Variants in CSGALNACT1 observed in about 807,000 individuals in gnomAD.
CSGALNACT1 encodes the protein beta4GalNAcT-1.
In CSGALNACT1, 52 loss-of-function variants were observed where a neutral mutation model predicts 51.0. The observed-to-expected ratio is 1.02, with a 90% CI of 0.82 to 1.29. The LOEUF is 1.29. Among genes scored for constraint, CSGALNACT1 ranks in the 50% most tolerant of loss-of-function variants. CSGALNACT1 has a pLI of 0.00. For missense variants in CSGALNACT1, 935 were observed against 679.2 expected (o/e 1.38, Z -4.19); for synonymous variants, 341 against 254.4 (o/e 1.34, Z -3.24).
intron 1 of CSGALNACT1, among the ~76,000 whole-genome samples, chr8:19,667,028 G>GAAAAGAA (rs1564386726): frequency 7.2e-5 from 2 of 27,862 alleles, no homozygotes; most frequent in African/African-American, 5.1e-4. Flanking sequence ...AGGAAGGAAG[G>GAAAAGAA]AAGGAAGGAA....
intron 1 of CSGALNACT1, among the ~76,000 whole-genome samples, chr8:19,622,238 C>T (rs1431599091): frequency 1.3e-5 from 2 of 152,168 alleles, no homozygotes; most frequent in African/African-American, 2.4e-5. Context: ...TGACTAAACA[C>T]GGTGGTTGTT....
At chr8:19,522,840 G>A (rs543295509) in intron 3 of CSGALNACT1, among the ~76,000 whole-genome samples, 8 of 152,154 alleles carry the variant, frequency 5.3e-5, no homozygotes, top group African/African-American at 1.9e-4. Flanking sequence ...CATTCCCAAG[G>A]CTCAAAAAAA....
intron 1 of CSGALNACT1, among the ~76,000 whole-genome samples, chr8:19,629,846 G>A (rs1433494887): frequency 6.6e-6 from 1 of 152,168 alleles, no homozygotes; most frequent in African/African-American, 2.4e-5. Context: ...TCCCTGTGGG[G>A]TATGCAAATT....
chr8:19,447,304 T>C (rs182035034), intron 5 of CSGALNACT1, among the ~76,000 whole-genome samples: 3 of 152,282 alleles, frequency 2.0e-5, no homozygotes, highest in Non-Finnish European at 4.4e-5. Context: ...GCTGGGGGAC[T>C]GGTATGGCCA....
At position 19,476,411 on chromosome 8, in the gene CSGALNACT1, A is replaced by G. The variant is rs545346732; in HGVS notation, c.635-17769T>C. ...GCCCACCACCACGCCTGGCTAATAT[A>G]TTCTATTTTTAGTAGAGATGGGGTT... On this transcript the variant is annotated intron_variant, in intron 4 of 9. Transcript: ENST00000454498. 5.2e-4 allele frequency among the ~76,000 whole-genome samples: 79 copies of G among 152,026 alleles called. 1 individual carries two copies. The South Asian group carries it at 0.016, about 31-fold the overall frequency.
In CSGALNACT1 at chr8:19,477,660, G is replaced by A. The variant is rs372491801; in HGVS notation, c.635-19018C>T. Among the ~76,000 whole-genome samples the A allele has an allele frequency of 5.3e-5, 8 of 152,170 alleles. No individual in the cohort carries two copies. In the South Asian group the frequency reaches 6.2e-4, roughly 12 times the overall value. ...AAAAGGAAGGGCAGGCTCTAGAGCC[G>A]GGTGTGAGCCCCAGCTGTGTCATTT... On this transcript the variant is annotated intron_variant, in intron 4 of 9. Coordinates refer to ENST00000454498, the Ensembl canonical transcript of CSGALNACT1.
At chr8:19,538,294 T>C (rs939260000) in intron 3 of CSGALNACT1, among the ~76,000 whole-genome samples, 3 of 151,974 alleles carry the variant, frequency 2.0e-5, no homozygotes, top group African/African-American at 4.8e-5. Flanking sequence ...TTGTACTCCA[T>C]CCTGTGTGAC....
At chr8:19,498,232 C>T (rs2153979527) in intron 4 of CSGALNACT1, among the ~76,000 whole-genome samples, 1 of 152,304 alleles carries the variant, frequency 6.6e-6, no homozygotes, top group East Asian at 1.9e-4. Context: ...CTGGCTTTCT[C>T]CTCCTTTTCT....
intron 1 of CSGALNACT1, among the ~76,000 whole-genome samples, chr8:19,631,933 A>AT (rs1245052782): frequency 1.3e-5 from 2 of 152,140 alleles, no homozygotes; most frequent in Non-Finnish European, 2.9e-5. Flanking sequence ...GTTCTCTCAC[A>AT]TTTTTTATGC....
rs183413385 is a variant in CSGALNACT1, at chr8:19,681,034, A to G, written c.-544+1439T>C. ...TGTGTGTAGGTTACACACCAATACT[A>G]CTCCATGTTATACAAGGGACTTGGG... On this transcript the variant is annotated intron_variant, in intron 1 of 9. Transcript: ENST00000332246. Among the ~76,000 whole-genome samples the G allele has an allele frequency of 7.9e-5, 12 of 151,882 alleles. No individual in the cohort carries two copies. In the East Asian group the frequency reaches 2.3e-3, roughly 30 times the overall value.
intron 1 of CSGALNACT1, among the ~76,000 whole-genome samples, chr8:19,649,363 T>C (rs1328653517): frequency 6.6e-6 from 1 of 152,162 alleles, no homozygotes; most frequent in Non-Finnish European, 1.5e-5. Context: ...AACCAGAAGA[T>C]TTATTCTCCC....
intron 1 of CSGALNACT1, among the ~76,000 whole-genome samples, chr8:19,635,462 C>T (rs2055908250): frequency 6.6e-6 from 1 of 152,208 alleles, no homozygotes; most frequent in Admixed American, 6.5e-5. Context: ...ATCTGAACCG[C>T]CGCATACATG....
exon 10 of CSGALNACT1, chr8:19,405,658 A>G (rs1466088504): frequency 1.6e-6 from 2 of 1,278,982 alleles, no homozygotes; most frequent in East Asian, 4.8e-5. Context: ...AGGCTTTCTC[A>G]TCTCTGACCC....
intron 1 of CSGALNACT1, among the ~76,000 whole-genome samples, chr8:19,673,900 A>C (rs959258786): frequency 6.6e-6 from 1 of 152,240 alleles, no homozygotes; most frequent in African/African-American, 2.4e-5. Flanking sequence ...GCCAGGCACT[A>C]TTCTAGGCAC....
intron 1 of CSGALNACT1, among the ~76,000 whole-genome samples, chr8:19,650,406 T>A (rs1290918791): frequency 6.6e-6 from 1 of 152,152 alleles, no homozygotes; most frequent in Non-Finnish European, 1.5e-5. Flanking sequence ...TTTCAAAAGA[T>A]CCAGGAGGGG....
At chr8:19,469,400 AAG>A in intron 4 of CSGALNACT1, among the ~76,000 whole-genome samples, 1 of 152,240 alleles carries the variant, frequency 6.6e-6, no homozygotes, top group South Asian at 2.1e-4. Context: ...CAAAAAAAGA[AAG>A]AGAAAGAAAA....
upstream of CSGALNACT1, among the ~76,000 whole-genome samples, chr8:19,684,285 G>T (rs545507846): frequency 6.6e-6 from 1 of 152,224 alleles, no homozygotes; most frequent in Non-Finnish European, 1.5e-5. Context: ...TTTATTATAT[G>T]GTAAAGGTGG....
intron 3 of CSGALNACT1, among the ~76,000 whole-genome samples, chr8:19,543,796 G>A (rs1419449255): frequency 6.6e-6 from 1 of 152,178 alleles, no homozygotes; most frequent in Non-Finnish European, 1.5e-5. Context: ...AACTGTAAGT[G>A]CAACTAAATG....
At chr8:19,410,107 A>G (rs2055335004) in intron 8 of CSGALNACT1, among the ~76,000 whole-genome samples, 1 of 152,150 alleles carries the variant, frequency 6.6e-6, no homozygotes, top group South Asian at 2.1e-4. Flanking sequence ...CCACCATGTC[A>G]CTTACATTCC....
Sources: gnomAD v4.1 joint callset for allele counts (sites outside exome capture counted in the v4.1 genomes callset) on GRCh38, gnomAD v4.1.1 for gene constraint, MANE v1.5 for transcripts, NCBI Gene and HGNC (gene_info 2026-07-23, HGNC 2026-07-21) for gene names.